The following MPPED1 variants were observed in gnomAD, a reference collection of about 807,000 sequenced individuals.
The protein encoded by MPPED1 is metallophosphoesterase domain containing 1.
MPPED1 carries 16 observed loss-of-function variants against 36.2 expected under a neutral mutation model. The observed-to-expected ratio is 0.44, with a 90% CI of 0.30 to 0.67. The LOEUF is 0.67. Among genes scored for constraint, MPPED1 ranks in the 30% least tolerant of loss-of-function variants. MPPED1 has a pLI of 0.10. For synonymous variants in MPPED1, 199 were observed against 191.3 expected (o/e 1.04, Z -0.33); for missense variants, 307 against 453.4 (o/e 0.68, Z 2.93).
At chr22:43,465,177 G>A (rs770835874) in intron 3 of MPPED1, among the ~76,000 whole-genome samples, 10 of 152,246 alleles carry the variant, frequency 6.6e-5, no homozygotes, top group African/African-American at 1.7e-4. Context: ...GAGCTGAGCC[G>A]ACTCTCAGGC....
chr22:43,463,806 C>CTTTTCTTTCTTTCTTTTTTTT (rs1274178981), intron 3 of MPPED1, among the ~76,000 whole-genome samples: 49 of 121,660 alleles, frequency 4.0e-4, no homozygotes, highest in South Asian at 8.1e-4. Flanking sequence ...TTCATTTTTT[C>CTTTTCTTTCTTTCTTTTTTTT]TTTTCTTTCT....
intron 3 of MPPED1, among the ~76,000 whole-genome samples, chr22:43,466,505 A>C (rs535087928): frequency 2.0e-5 from 3 of 152,220 alleles, no homozygotes; most frequent in African/African-American, 7.2e-5. Flanking sequence ...AATGCAATGA[A>C]AATGGCTAAC....
chr22:43,477,277 G>A (rs937404190), intron 4 of MPPED1, among the ~76,000 whole-genome samples: 12 of 152,234 alleles, frequency 7.9e-5, no homozygotes, highest in South Asian at 6.2e-4. Context: ...TCTCCATCCC[G>A]CAAGGGAGGC....
intron 3 of MPPED1, among the ~76,000 whole-genome samples, chr22:43,450,108 C>T (rs972474272): frequency 1.3e-5 from 2 of 152,336 alleles, no homozygotes; most frequent in East Asian, 1.9e-4. Flanking sequence ...ATTCTTCTCA[C>T]GTGTCAGTGA....
At chr22:43,492,654 T>C (rs1225044410) in intron 4 of MPPED1, among the ~76,000 whole-genome samples, 1 of 152,150 alleles carries the variant, frequency 6.6e-6, no homozygotes, top group Non-Finnish European at 1.5e-5. Context: ...GCACAGCCAG[T>C]CTCATTCCCC....
intron 2 of MPPED1, among the ~76,000 whole-genome samples, chr22:43,430,547 A>G (rs1463644359): frequency 6.6e-6 from 1 of 152,210 alleles, no homozygotes; most frequent in East Asian, 1.9e-4. Context: ...TCCTGCTGCC[A>G]GGAATCCCAT....
chr22:43,429,476 G>C (rs1449522281), intron 2 of MPPED1, among the ~76,000 whole-genome samples: 1 of 152,252 alleles, frequency 6.6e-6, no homozygotes. Flanking sequence ...TGCCCATGCT[G>C]TTCCCTCTGA....
rs943754910 is a variant in MPPED1, at chr22:43,506,510, A to C, written c.*894A>C. On this transcript the variant is annotated 3_prime_UTR_variant, in exon 7 of 7. Coordinates refer to ENST00000443721, the MANE Select transcript of MPPED1 (RefSeq NM_001044370.2). Reference sequence around the variant, plus strand: ...ACACATGCACGCACGCACCCCTCTTAATTGAACCAAGTGGGTCCTGTGTTT... The same window carrying C: ...ACACATGCACGCACGCACCCCTCTTCATTGAACCAAGTGGGTCCTGTGTTT... The C allele has an allele frequency of 1.3e-5, 2 of 152,180 alleles. No individual in the cohort carries two copies. The highest frequency in any genetic ancestry group is 2.1e-4 in the South Asian group (1 of 4,814). The allele number at this position is 152,180 out of a possible 1,614,324, so 9.4% of individuals were successfully genotyped here.
chr22:43,466,406 T>C (rs985816228), intron 3 of MPPED1, among the ~76,000 whole-genome samples: 6 of 152,332 alleles, frequency 3.9e-5, no homozygotes, highest in African/African-American at 1.4e-4. Flanking sequence ...CCTGAACTTG[T>C]AGAGCCTCAG....
chr22:43,471,877 A>T (rs1931388907), intron 3 of MPPED1, among the ~76,000 whole-genome samples: 1 of 152,158 alleles, frequency 6.6e-6, no homozygotes, highest in Non-Finnish European at 1.5e-5. Context: ...GTGGGCTCTG[A>T]TGTACAAGAG....
intron 5 of MPPED1, among the ~76,000 whole-genome samples, chr22:43,499,379 TG>T (rs1017237319): frequency 8.7e-6 from 1 of 115,166 alleles, no homozygotes; most frequent in African/African-American, 3.0e-5. Flanking sequence ...GTGATGGTGA[TG>T]GGGGTGGTGA....
At chr22:43,494,166 G>A (rs1014833270) in intron 4 of MPPED1, among the ~76,000 whole-genome samples, 3 of 152,138 alleles carry the variant, frequency 2.0e-5, no homozygotes, top group Non-Finnish European at 4.4e-5. Context: ...CTCTTGAGTA[G>A]CTGGGACTAC....
Position 43,505,103 on chromosome 22 carries a change from G to A in MPPED1, c.863-395G>A, listed in dbSNP as rs560571801. Among the ~76,000 whole-genome samples the A allele has an allele frequency of 9.3e-5, 14 of 151,188 alleles. No individual in the cohort carries two copies. In the East Asian group the frequency reaches 2.8e-3, roughly 30 times the overall value. On this transcript the variant is annotated intron_variant, in intron 6 of 6. Coordinates refer to ENST00000443721, the MANE Select transcript of MPPED1 (RefSeq NM_001044370.2). ...GACATTAGTGATGATTATGGTGGTA[G>A]TAGTGGTGAAAAATAGTGATGATCA...
At chr22:43,455,223 C>T (rs1268463758) in intron 3 of MPPED1, among the ~76,000 whole-genome samples, 2 of 151,182 alleles carry the variant, frequency 1.3e-5, no homozygotes, top group East Asian at 3.9e-4. Context: ...GATTCTTCCT[C>T]CTCAGCCTCC....
chr22:43,501,156 C>A (rs1320069852), intron 5 of MPPED1, among the ~76,000 whole-genome samples: 2 of 152,186 alleles, frequency 1.3e-5, no homozygotes, highest in African/African-American at 4.8e-5. Context: ...GTGATTTAAG[C>A]AGCACAGAGA....
intron 2 of MPPED1, among the ~76,000 whole-genome samples, chr22:43,434,414 G>A (rs974837059): frequency 3.3e-5 from 5 of 152,146 alleles, no homozygotes; most frequent in African/African-American, 1.2e-4. Context: ...GCGGACGTGC[G>A]CTGCACAGCC....
At chr22:43,446,962 G>A (rs942827299) in intron 3 of MPPED1, among the ~76,000 whole-genome samples, 2 of 152,156 alleles carry the variant, frequency 1.3e-5, no homozygotes, top group East Asian at 1.9e-4. Flanking sequence ...AGTGGTAGCC[G>A]GGGACCAAGT....
chr22:43,475,981 G>C (rs1006637634), intron 4 of MPPED1, among the ~76,000 whole-genome samples: 1 of 101,632 alleles, frequency 9.8e-6, no homozygotes, highest in Non-Finnish European at 2.2e-5. Context: ...CGGTGGTGGT[G>C]GTAGTGATGG....
intron 3 of MPPED1, among the ~76,000 whole-genome samples, chr22:43,460,303 A>AC (rs1930912545): frequency 1.4e-5 from 2 of 147,308 alleles, no homozygotes; most frequent in Non-Finnish European, 3.0e-5. Flanking sequence ...AACAAAAAAA[A>AC]CTGGATTTTG....
Sources: allele counts gnomAD v4.1 joint callset (sites outside exome capture counted in the v4.1 genomes callset), GRCh38; gene constraint gnomAD v4.1.1; transcripts MANE v1.5; gene names NCBI Gene and HGNC (gene_info 2026-07-23, HGNC 2026-07-21).